PRKAG2: variants seen among roughly 807,000 people sequenced by gnomAD.
PRKAG2 encodes the protein 5'-AMP-activated protein kinase subunit gamma-2.
In PRKAG2, 26 loss-of-function variants were observed where a neutral mutation model predicts 69.6. The ratio of observed to expected loss-of-function variants is 0.37; its 90% CI spans 0.27 to 0.52. PRKAG2 has a LOEUF of 0.52. PRKAG2 is among the 20% of genes least tolerant of loss of function. PRKAG2 has a pLI of 0.90. For synonymous variants in PRKAG2, 293 were observed against 285.0 expected, an observed-to-expected ratio of 1.03 and a Z score of -0.28; for missense variants, 557 against 740.0, an observed-to-expected ratio of 0.75 and a Z score of 2.87.
intron 1 of PRKAG2, among the ~76,000 whole-genome samples, chr7:151,863,759 C>A (rs1318829165): frequency 4.6e-5 from 7 of 151,980 alleles, no homozygotes; most frequent in African/African-American, 1.2e-4. Flanking sequence ...TATGAAAAAT[C>A]AAAAAATTAG....
intron 11 of PRKAG2, 122 bp from the exon 12 acceptor site, chr7:151,566,007 C>T (rs1254301890): frequency 1.9e-6 from 2 of 1,068,506 alleles, no homozygotes; most frequent in Non-Finnish European, 2.8e-6. Context: ...TAACAGTCTA[C>T]CTGGATGCCT....
chr7:151,843,160 A>C (rs1376154403), intron 1 of PRKAG2, among the ~76,000 whole-genome samples: 2 of 152,264 alleles, frequency 1.3e-5, no homozygotes, highest in East Asian at 3.9e-4. Flanking sequence ...TGTACCTACA[A>C]GTTTTGATAT....
chr7:151,769,939 G>A (rs2075938470), intron 3 of PRKAG2, among the ~76,000 whole-genome samples: 1 of 152,130 alleles, frequency 6.6e-6, no homozygotes, highest in South Asian at 2.1e-4. Context: ...AAAATTCTAA[G>A]CCCCTAACCA....
intron 5 of PRKAG2, among the ~76,000 whole-genome samples, chr7:151,622,474 T>C (rs937426047): frequency 1.3e-5 from 2 of 152,176 alleles, no homozygotes; most frequent in African/African-American, 4.8e-5. Flanking sequence ...TTACAATAAG[T>C]CACCAATAGA....
chr7:151,812,868 T>G (rs1452781187), intron 1 of PRKAG2, among the ~76,000 whole-genome samples: 1 of 152,118 alleles, frequency 6.6e-6, no homozygotes, highest in Admixed American at 6.5e-5. Flanking sequence ...TTCACTGAAT[T>G]TAACCACTGA....
intron 5 of PRKAG2, among the ~76,000 whole-genome samples, chr7:151,613,148 C>T (rs1819269720): frequency 1.3e-5 from 2 of 152,186 alleles, no homozygotes; most frequent in African/African-American, 4.8e-5. Context: ...GGAAGAAAGA[C>T]AGTTGGGGTT....
intron 1 of PRKAG2, among the ~76,000 whole-genome samples, chr7:151,813,585 A>G (rs2078536604): frequency 6.6e-6 from 1 of 151,924 alleles, no homozygotes; most frequent in Admixed American, 6.6e-5. Flanking sequence ...CTCCGAATCT[A>G]GTACTTTCCA....
At chr7:151,741,772 G>A (rs1368747150) in intron 3 of PRKAG2, among the ~76,000 whole-genome samples, 2 of 152,058 alleles carry the variant, frequency 1.3e-5, no homozygotes, top group African/African-American at 4.8e-5. Flanking sequence ...CAGGCCTGAC[G>A]TTTCCGTGCT....
At chr7:151,560,330 T>C (rs952226415) in intron 15 of PRKAG2, 194 bp downstream of exon 15, 13 of 1,503,496 alleles carry the variant, frequency 8.6e-6, no homozygotes, top group Admixed American at 6.0e-5. Context: ...GAATACGTTC[T>C]ATACACTTTC....
chr7:151,651,532 G>A (rs542601631), intron 4 of PRKAG2, among the ~76,000 whole-genome samples: 18 of 152,264 alleles, frequency 1.2e-4, no homozygotes, highest in African/African-American at 1.7e-4. Context: ...TCTTGAACCC[G>A]GGAGGTGGAG....
intron 3 of PRKAG2, among the ~76,000 whole-genome samples, chr7:151,702,224 A>C (rs560521465): frequency 6.6e-5 from 10 of 152,294 alleles, no homozygotes; most frequent in Admixed American, 6.5e-4. Flanking sequence ...TTAAAAGTTT[A>C]ATTTTCAGAA....
intron 4 of PRKAG2, among the ~76,000 whole-genome samples, chr7:151,634,730 G>T (rs1825429922): frequency 6.6e-6 from 1 of 152,136 alleles, no homozygotes; most frequent in African/African-American, 2.4e-5. Context: ...CACCAAGAAA[G>T]ATATACAGAT....
intron 1 of PRKAG2, among the ~76,000 whole-genome samples, chr7:151,853,279 G>A (rs916150158): frequency 6.6e-6 from 1 of 152,180 alleles, no homozygotes; most frequent in African/African-American, 2.4e-5. Context: ...AGAAAAGAGA[G>A]GAGAAAGTCG....
intron 5 of PRKAG2, among the ~76,000 whole-genome samples, chr7:151,623,593 C>T (rs1822095990): frequency 6.6e-6 from 1 of 152,130 alleles, no homozygotes. Flanking sequence ...GACCCCTGCT[C>T]TAGTGGATAT....
chr7:151,633,368 C>T (rs971540699), intron 4 of PRKAG2, among the ~76,000 whole-genome samples: 4 of 152,072 alleles, frequency 2.6e-5, no homozygotes, highest in African/African-American at 9.7e-5. Flanking sequence ...GGTGTCTGCT[C>T]TCACTAATCC....
chr7:151,631,934 G>T (rs572808033), intron 5 of PRKAG2, 135 bp downstream of exon 5: 1 of 922,656 alleles, frequency 1.1e-6, no homozygotes, highest in Non-Finnish European at 1.4e-6. Context: ...TTCCCGCCCC[G>T]GCCCCTGGGC....
chr7:151,670,593 T>C (rs1001604196), intron 4 of PRKAG2, among the ~76,000 whole-genome samples: 12 of 152,142 alleles, frequency 7.9e-5, no homozygotes, highest in African/African-American at 2.9e-4. Context: ...TAGGATGGGG[T>C]TTCCTCCCAC....
intron 5 of PRKAG2, among the ~76,000 whole-genome samples, chr7:151,598,137 T>C (rs1815092279): frequency 6.6e-6 from 1 of 152,148 alleles, no homozygotes; most frequent in Admixed American, 6.5e-5. Flanking sequence ...TAAAAAAGAA[T>C]GAAATCCTGA....
At chr7:151,853,621 G>C (rs549548776) in intron 1 of PRKAG2, among the ~76,000 whole-genome samples, 3 of 151,982 alleles carry the variant, frequency 2.0e-5, no homozygotes, top group South Asian at 2.1e-4. Context: ...TTAGCCAGGC[G>C]TGGTGGCGGG....
Sources: allele counts gnomAD v4.1 joint callset (sites outside exome capture counted in the v4.1 genomes callset), GRCh38; gene constraint gnomAD v4.1.1; transcripts MANE v1.5; gene names NCBI Gene and HGNC (gene_info 2026-07-23, HGNC 2026-07-21).